Variants in TTC34 observed in about 807,000 individuals in gnomAD.
TTC34 encodes the protein tetratricopeptide repeat domain 34, also known as tetratricopeptide repeat protein 34.
In TTC34, 44 loss-of-function variants were observed where a neutral mutation model predicts 40.7. That is an observed-to-expected ratio of 1.08 (90% CI 0.85 to 1.39). The LOEUF (loss-of-function observed/expected upper bound fraction) is 1.39. Among genes scored for constraint, TTC34 ranks in the 40% most tolerant of loss-of-function variants. TTC34 has a pLI of 0.00. For synonymous variants in TTC34, 422 were observed against 398.6 expected, an observed-to-expected ratio of 1.06 and a Z score of -0.70; for missense variants, 884 against 838.0, an observed-to-expected ratio of 1.05 and a Z score of -0.68.
At chr1:2,800,769 G>T (rs1643764348) in exon 2 of TTC34, 2 of 398,870 alleles carry the variant, frequency 5.0e-6, no homozygotes, top group East Asian at 3.6e-5. Flanking sequence ...CTCCCCCAGC[G>T]CCAGATGCTG....
intron 8 of TTC34, among the ~76,000 whole-genome samples, chr1:2,642,704 C>T (rs1442246793): frequency 6.6e-6 from 1 of 152,384 alleles, no homozygotes; most frequent in East Asian, 1.9e-4. Flanking sequence ...CTCGCTGGCG[C>T]TGCCTCTCTT....
chr1:2,656,366 G>T (rs1177134571), intron 6 of TTC34, among the ~76,000 whole-genome samples: 2 of 95,180 alleles, frequency 2.1e-5, no homozygotes, highest in African/African-American at 4.6e-5. Context: ...GCCTGGAACA[G>T]CACCCACACC....
rs1473823560 is a variant in TTC34, at chr1:2,643,574, G to T, written c.2712+690C>A. On this transcript the variant is annotated intron_variant, in intron 8 of 8. Coordinates refer to ENST00000401095, the Ensembl canonical transcript of TTC34. ...TTGGAAACGCCCAGTCCCTCTGGGA[G>T]CTCTGAGACCCCACCCCGCCCAGCC... 2.6e-5 allele frequency among the ~76,000 whole-genome samples: 4 copies of T among 152,116 alleles called. No individual in the cohort carries two copies. In the East Asian group the frequency reaches 5.8e-4, roughly 22 times the overall value.
intron 6 of TTC34, among the ~76,000 whole-genome samples, chr1:2,755,745 C>A (rs1308704171): frequency 2.4e-5 from 3 of 125,356 alleles, no homozygotes; most frequent in Non-Finnish European, 5.0e-5. Context: ...CACCCACACA[C>A]CCAGGCGAGC....
intron 6 of TTC34, among the ~76,000 whole-genome samples, chr1:2,685,828 G>A (rs28555663): frequency 0.15 from 14,368 of 98,870 alleles, 174 homozygotes; most frequent in African/African-American, 0.24. Flanking sequence ...AGACTGGAAC[G>A]GCACCCCCAT....
At chr1:2,777,687 AT>A (rs1643302695) in intron 6 of TTC34, among the ~76,000 whole-genome samples, 1 of 65,682 alleles carries the variant, frequency 1.5e-5, no homozygotes. Context: ...GGCAGAGGGC[AT>A]GGGGGGGGGG....
chr1:2,752,934 A>G (rs1241856371), intron 6 of TTC34, among the ~76,000 whole-genome samples: 2 of 71,496 alleles, frequency 2.8e-5, no homozygotes, highest in African/African-American at 1.3e-4. Context: ...AGCTCCCACA[A>G]CCCCAGGTGA....
chr1:2,675,207 G>T (rs1296514319), intron 6 of TTC34, among the ~76,000 whole-genome samples: 1 of 149,158 alleles, frequency 6.7e-6, no homozygotes, highest in Non-Finnish European at 1.5e-5. Context: ...ACAACCCCAG[G>T]TGAGCATCTG....
chr1:2,752,849 C>T (rs1641369863), intron 6 of TTC34, among the ~76,000 whole-genome samples: 3 of 150,932 alleles, frequency 2.0e-5, no homozygotes, highest in African/African-American at 7.3e-5. Flanking sequence ...GGAACAGCAC[C>T]CACACACCCA....
rs572599672 is a variant in TTC34, at chr1:2,684,998, C to T, written c.2227-39435G>A. 3.5e-4 allele frequency among the ~76,000 whole-genome samples: 51 copies of T among 145,906 alleles called. 6 individuals are homozygous for T. Among genetic ancestry groups the T allele is most frequent in the African/African-American group, 1.3e-3 (48 of 37,224 alleles). On this transcript the variant is annotated intron_variant, in intron 6 of 8. Coordinates refer to ENST00000401095, the Ensembl canonical transcript of TTC34. ...TGACAGCTTAGAACAGCACCCATAC[C>T]CCCAGGCGAGCATCTGACAGCATGT...
chr1:2,749,076 C>A (rs1569684831), intron 6 of TTC34, among the ~76,000 whole-genome samples: 5 of 147,536 alleles, frequency 3.4e-5, no homozygotes, highest in Admixed American at 1.4e-4. Context: ...GGAGCAGCAC[C>A]CACAACCCCA....
At chr1:2,687,082 A>C (rs1640395829) in intron 6 of TTC34, among the ~76,000 whole-genome samples, 2 of 140,168 alleles carry the variant, frequency 1.4e-5, no homozygotes, top group Admixed American at 6.9e-5. Context: ...CAGGACCCAC[A>C]CCCCCAGGTG....
At chr1:2,751,275 C>G (rs1641310080) in intron 6 of TTC34, among the ~76,000 whole-genome samples, 5 of 121,140 alleles carry the variant, frequency 4.1e-5, no homozygotes, top group Non-Finnish European at 8.4e-5. Context: ...CAGCCTGGAA[C>G]AGCACCCACA....
chr1:2,686,663 C>T (rs1254817836), intron 6 of TTC34, among the ~76,000 whole-genome samples: 1 of 150,742 alleles, frequency 6.6e-6, no homozygotes, highest in Admixed American at 6.6e-5. Context: ...CATCTGACAG[C>T]CTGGAACAGC....
intron 6 of TTC34, among the ~76,000 whole-genome samples, chr1:2,655,371 C>T (rs1639307602): frequency 8.1e-6 from 1 of 123,662 alleles, no homozygotes; most frequent in African/African-American, 3.2e-5. Flanking sequence ...GCAGCAACCA[C>T]ACCCCCAGGT....
chr1:2,758,549 T>A (rs1260731343), intron 6 of TTC34, among the ~76,000 whole-genome samples: 90 of 16,886 alleles, frequency 5.3e-3, no homozygotes, highest in African/African-American at 7.4e-3. Flanking sequence ...CTGAAACAGC[T>A]CCCACAACCC....
intron 5 of TTC34, among the ~76,000 whole-genome samples, chr1:2,784,566 G>T (rs867395971): frequency 7.2e-5 from 11 of 152,096 alleles, no homozygotes; most frequent in Admixed American, 7.2e-4. Flanking sequence ...CCAGACACTG[G>T]TGTTACCACT....
chr1:2,685,172 T>G (rs1257294984), intron 6 of TTC34, among the ~76,000 whole-genome samples: 1 of 141,032 alleles, frequency 7.1e-6, no homozygotes, highest in Admixed American at 7.2e-5. Flanking sequence ...CACGTGAGCA[T>G]CTGACTGCCT....
intron 6 of TTC34, among the ~76,000 whole-genome samples, chr1:2,752,222 A>C (rs1332680319): frequency 7.0e-5 from 8 of 115,060 alleles, no homozygotes; most frequent in Admixed American, 8.9e-5. Context: ...CCAGGTGAGC[A>C]TCTGACAGAC....
Sources: gnomAD v4.1 joint callset for allele counts (sites outside exome capture counted in the v4.1 genomes callset) on GRCh38, gnomAD v4.1.1 for gene constraint, MANE v1.5 for transcripts, NCBI Gene and HGNC (gene_info 2026-07-23, HGNC 2026-07-21) for gene names.